Variants in MYO5B observed in about 807,000 individuals in gnomAD.
MYO5B encodes myosin VB.
Under a neutral mutation model 229.3 loss-of-function variants are expected in MYO5B, and 143 were observed. The observed-to-expected ratio is 0.62, with a 90% confidence interval of 0.54 to 0.72. The LOEUF is 0.72. Among genes scored for constraint, MYO5B ranks in the 30% least tolerant of loss-of-function variants. The pLI, the probability that MYO5B is intolerant of heterozygous loss-of-function variation, is 0.00. For missense variants in MYO5B, 2,321 were observed against 2,331.0 expected (o/e 1.00, Z 0.09); for synonymous variants, 918 against 885.2 (o/e 1.04, Z -0.66).
rs2025943903 is a variant in MYO5B at position 49,992,446 on chromosome 18, C to A, written c.613-15G>T. 6.2e-7 allele frequency: 1 copy of A among 1,613,770 alleles called. No individual in the cohort carries two copies. Among genetic ancestry groups the A allele is most frequent in the African/African-American group, 1.3e-5 (1 of 74,810 alleles). On this transcript the variant is annotated splice_polypyrimidine_tract_variant and intron_variant, in intron 5 of 39. Coordinates refer to ENST00000285039, the MANE Select transcript of MYO5B (RefSeq NM_001080467.3). ...TTTCCAATGGCCTGCACAGACCAGACAGACAAAGGTATGAAAAAAAAAGAG... is the reference window on the plus strand; with the variant it reads ...TTTCCAATGGCCTGCACAGACCAGAAAGACAAAGGTATGAAAAAAAAAGAG...
At chr18:50,044,588 G>A (rs1045187818) in intron 2 of MYO5B, among the ~76,000 whole-genome samples, 20 of 152,120 alleles carry the variant, frequency 1.3e-4, no homozygotes, top group Non-Finnish European at 2.5e-4. Context: ...CTAGATGAGT[G>A]AGAGTGGCAG....
At chr18:50,057,252 A>G (rs931900797) in intron 1 of MYO5B, among the ~76,000 whole-genome samples, 8 of 152,214 alleles carry the variant, frequency 5.3e-5, no homozygotes, top group African/African-American at 1.9e-4. Flanking sequence ...CCTAAGCTTC[A>G]GGTGAGTGTC....
chr18:49,854,142 A>C (rs1348383689), intron 30 of MYO5B, among the ~76,000 whole-genome samples: 2 of 152,252 alleles, frequency 1.3e-5, no homozygotes, highest in Non-Finnish European at 2.9e-5. Flanking sequence ...GCAAAATATT[A>C]GCCCCTTTTT....
chr18:50,132,385 T>C (rs1444861178), intron 1 of MYO5B, among the ~76,000 whole-genome samples: 2 of 152,208 alleles, frequency 1.3e-5, no homozygotes, highest in East Asian at 3.8e-4. Flanking sequence ...GTTGAGGTAG[T>C]AGAGACTTGT....
intron 1 of MYO5B, among the ~76,000 whole-genome samples, chr18:50,111,686 A>C (rs952799): frequency 0.29 from 43,789 of 152,162 alleles, 7,175 homozygotes; most frequent in Admixed American, 0.38. Context: ...AGTAGTTATT[A>C]AGGTCCTTAA....
At chr18:50,187,529 G>A (rs931136310) in intron 1 of MYO5B, among the ~76,000 whole-genome samples, 4 of 151,750 alleles carry the variant, frequency 2.6e-5, no homozygotes, top group Admixed American at 6.6e-5. Flanking sequence ...GGGGGTGGGC[G>A]GTGGGCAGAC....
intron 1 of MYO5B, among the ~76,000 whole-genome samples, chr18:50,156,859 G>A (rs1454413767): frequency 1.3e-5 from 2 of 152,124 alleles, no homozygotes; most frequent in Middle Eastern, 3.4e-3. Context: ...CCATCATTTC[G>A]ACCTTCAATG....
chr18:49,925,122 A>T (rs1234499649), intron 17 of MYO5B, among the ~76,000 whole-genome samples: 1 of 152,204 alleles, frequency 6.6e-6, no homozygotes, highest in Non-Finnish European at 1.5e-5. Flanking sequence ...GGAATTACTA[A>T]TAGAACAGAC....
intron 8 of MYO5B, among the ~76,000 whole-genome samples, chr18:49,984,329 C>T (rs1363965587): frequency 1.3e-5 from 2 of 152,202 alleles, no homozygotes; most frequent in Non-Finnish European, 2.9e-5. Context: ...TGCTGTGGTG[C>T]ACAGGTGCAC....
At chr18:49,886,210 G>A (rs771607490) in intron 22 of MYO5B, among the ~76,000 whole-genome samples, 3 of 152,098 alleles carry the variant, frequency 2.0e-5, no homozygotes, top group Non-Finnish European at 4.4e-5. Context: ...AAAGTAGCTG[G>A]GTTTACAGAT....
chr18:49,941,860 G>T (rs1036458856), intron 14 of MYO5B, among the ~76,000 whole-genome samples: 3 of 133,164 alleles, frequency 2.3e-5, no homozygotes, highest in Admixed American at 7.6e-5. Context: ...AAAAGAGCCC[G>T]CATTGCCAAG....
At chr18:49,919,014 T>C (rs1349849439) in intron 17 of MYO5B, among the ~76,000 whole-genome samples, 2 of 152,228 alleles carry the variant, frequency 1.3e-5, no homozygotes, top group Admixed American at 1.3e-4. Flanking sequence ...CTGGAGGACT[T>C]GACCTGATTA....
intron 4 of MYO5B, among the ~76,000 whole-genome samples, chr18:50,018,797 A>C (rs1176639892): frequency 2.0e-5 from 3 of 152,220 alleles, no homozygotes; most frequent in Non-Finnish European, 4.4e-5. Context: ...TTTAGTGGGC[A>C]GCCATTTCAA....
At chr18:50,078,744 T>C (rs1261108240) in intron 1 of MYO5B, among the ~76,000 whole-genome samples, 3 of 152,162 alleles carry the variant, frequency 2.0e-5, no homozygotes, top group Non-Finnish European at 2.9e-5. Context: ...CCTAGATACA[T>C]GCCCAAAAGC....
rs2025855790 is a variant in MYO5B at position 49,984,963 on chromosome 18, A to T, written c.839-138T>A. The T allele has an allele frequency of 2.1e-5, 15 of 707,300 alleles. No individual in the cohort carries two copies. The South Asian group carries it at 2.3e-4, about 11-fold the overall frequency. 43.8% of individuals were successfully genotyped at this position (707,300 alleles called of 1,614,324 possible). ...CCCAGCTGGATGTGAAACTCTTTAA[A>T]ATAGTCTTTATCCACAACGGCAAAT... On this transcript the variant is annotated intron_variant, in intron 7 of 39. Coordinates refer to ENST00000285039, the MANE Select transcript of MYO5B (RefSeq NM_001080467.3).
chr18:50,157,080 TTTTTG>T (rs759025144), intron 1 of MYO5B, among the ~76,000 whole-genome samples: 12 of 143,796 alleles, frequency 8.3e-5, no homozygotes, highest in Non-Finnish European at 1.4e-4. Flanking sequence ...ATGGATATCC[TTTTTG>T]TTTTGTTTTT....
intron 21 of MYO5B, among the ~76,000 whole-genome samples, chr18:49,898,464 A>G (rs1373648175): frequency 6.6e-6 from 1 of 152,266 alleles, no homozygotes; most frequent in Non-Finnish European, 1.5e-5. Context: ...GTGCTTGACT[A>G]AAGTTAGGCT....
chr18:50,093,997 C>T (rs8086287), intron 1 of MYO5B, among the ~76,000 whole-genome samples: 34,788 of 152,110 alleles, frequency 0.23, 4,473 homozygotes, highest in African/African-American at 0.35. Flanking sequence ...GCCCTTGGGG[C>T]TTCTCTGCCT....
intron 1 of MYO5B, among the ~76,000 whole-genome samples, chr18:50,150,149 G>T (rs1462608048): frequency 7.2e-6 from 1 of 138,924 alleles, no homozygotes; most frequent in East Asian, 2.2e-4. Flanking sequence ...TCTCACACCA[G>T]TTAGAATGGC....
Sources: gnomAD v4.1 joint callset for allele counts (sites outside exome capture counted in the v4.1 genomes callset) on GRCh38, gnomAD v4.1.1 for gene constraint, MANE v1.5 for transcripts, NCBI Gene and HGNC (gene_info 2026-07-23, HGNC 2026-07-21) for gene names.